Variants in CSMD3 observed in about 807,000 individuals in gnomAD.
CSMD3 encodes CUB and sushi domain-containing protein 3.
Under a neutral mutation model 435.2 loss-of-function variants are expected in CSMD3, and 177 were observed. The ratio of observed to expected loss-of-function variants is 0.41; its 90% confidence interval spans 0.36 to 0.46. The LOEUF is 0.46. Ranked by LOEUF, CSMD3 falls within the 20% of genes least tolerant of loss-of-function variation. The pLI, the probability that CSMD3 is intolerant of heterozygous loss-of-function variation, is 0.34. For missense variants in CSMD3, 4,265 were observed against 4,504.6 expected (o/e 0.95, Z 1.52); for synonymous variants, 1,656 against 1,520.5 (o/e 1.09, Z -2.07).
At chr8:112,500,533 T>C (rs1393095023) in intron 30 of CSMD3, among the ~76,000 whole-genome samples, 1 of 152,084 alleles carries the variant, frequency 6.6e-6, no homozygotes, top group African/African-American at 2.4e-5. Context: ...AATCTTGATA[T>C]CAAAACCAGA....
At chr8:113,410,902 A>AAAGG (rs986221902) in intron 1 of CSMD3, among the ~76,000 whole-genome samples, 2 of 56,312 alleles carry the variant, frequency 3.6e-5, no homozygotes, top group African/African-American at 1.0e-4. Flanking sequence ...AAACCCTGTG[A>AAAGG]AAGAAAGAAA....
intron 32 of CSMD3, among the ~76,000 whole-genome samples, chr8:112,424,111 G>A (rs1416133992): frequency 6.6e-6 from 1 of 152,050 alleles, no homozygotes; most frequent in Non-Finnish European, 1.5e-5. Context: ...GAAAATTAAT[G>A]ATTTTGTATC....
At chr8:112,590,566 A>G (rs1200487194) in intron 22 of CSMD3, among the ~76,000 whole-genome samples, 1 of 152,116 alleles carries the variant, frequency 6.6e-6, no homozygotes, top group Non-Finnish European at 1.5e-5. Context: ...CTGGTGTGAT[A>G]GCAGAAGAAA....
Position 113,363,288 on chromosome 8 carries a change from G to A in CSMD3, c.179-48495C>T, listed in dbSNP as rs190239441. Among the ~76,000 whole-genome samples the A allele has an allele frequency of 8.2e-3, 1,096 of 133,778 alleles. 7 individuals are homozygous for A. The highest frequency in any genetic ancestry group is 0.014 in the Non-Finnish European group (862 of 60,528). The allele number at this position is 133,778 out of a possible 152,430, so 87.8% of individuals were successfully genotyped here. ...TATTTATAGTTAATTGCTTACACGC[G>A]TGTTTGTATATTTCAAAGTCCTTTA... On this transcript the variant is annotated intron_variant, in intron 1 of 70. Coordinates refer to ENST00000297405, the MANE Select transcript of CSMD3 (RefSeq NM_198123.2).
At chr8:113,124,119 T>C (rs1190693471) in intron 4 of CSMD3, among the ~76,000 whole-genome samples, 1 of 151,960 alleles carries the variant, frequency 6.6e-6, no homozygotes, top group Non-Finnish European at 1.5e-5. Flanking sequence ...CCCATTCATA[T>C]AGTAGCTAGT....
In CSMD3 at chr8:112,310,985, G is replaced by A. The variant is rs2130812474; in HGVS notation, c.7878C>T (p.Ala2626=). 1 of 1,613,164 alleles carries A rather than the reference G, an allele frequency of 6.2e-7. No individual in the cohort carries two copies. The highest frequency in any genetic ancestry group is 8.5e-7 in the Non-Finnish European group (1 of 1,179,274). The part of the protein sequence containing the change: ...GYHAWDAPVP[A]CQAISCGIPK... ...TGGCATAATATACTTCACCTTGACA[G>A]GCAGGGACTGGCGCATCCCATGCAT... Residue 2626 remains alanine (A), a synonymous_variant, in exon 50 of 71, where the codon GCC becomes GCT. Coordinates refer to ENST00000297405, the MANE Select transcript of CSMD3 (RefSeq NM_198123.2).
chr8:113,323,278 A>T (rs2132718125), intron 1 of CSMD3, among the ~76,000 whole-genome samples: 1 of 152,326 alleles, frequency 6.6e-6, no homozygotes, highest in African/African-American at 2.4e-5. Flanking sequence ...TTCACTGTAG[A>T]CATTGAACAC....
chr8:113,243,126 C>A (rs1458672067), intron 3 of CSMD3, among the ~76,000 whole-genome samples: 1 of 151,612 alleles, frequency 6.6e-6, no homozygotes, highest in Non-Finnish European at 1.5e-5. Flanking sequence ...TCTATTAATA[C>A]AAGAAATAAT....
chr8:112,630,509 G>A (rs530863737), intron 22 of CSMD3, among the ~76,000 whole-genome samples: 1 of 152,016 alleles, frequency 6.6e-6, no homozygotes, highest in Non-Finnish European at 1.5e-5. Context: ...ATTTACACAG[G>A]GTTCAACACA....
intron 30 of CSMD3, among the ~76,000 whole-genome samples, chr8:112,503,556 T>C (rs1360841387): frequency 2.6e-5 from 4 of 152,206 alleles, no homozygotes; most frequent in African/African-American, 7.2e-5. Flanking sequence ...ATACTAATTG[T>C]TAATTTGTTT....
intron 32 of CSMD3, among the ~76,000 whole-genome samples, chr8:112,428,020 C>G (rs567369802): frequency 6.6e-6 from 1 of 152,248 alleles, no homozygotes; most frequent in African/African-American, 2.4e-5. Context: ...TGGGCTGCAT[C>G]AATAGTTTGA....
At chr8:113,221,830 T>C (rs1245679113) in intron 3 of CSMD3, among the ~76,000 whole-genome samples, 2 of 151,338 alleles carry the variant, frequency 1.3e-5, no homozygotes, top group African/African-American at 4.8e-5. Flanking sequence ...ACTGATTTAT[T>C]TTCCTCAAAG....
At chr8:112,954,542 A>C (rs2130831643) in intron 8 of CSMD3, 142 bp downstream of exon 8, 1 of 615,308 alleles carries the variant, frequency 1.6e-6, no homozygotes, top group East Asian at 2.8e-5. Context: ...AATATTGAAT[A>C]ATCATCATGC....
chr8:113,029,334 A>G lies in CSMD3; in HGVS notation c.918-10155T>C, dbSNP rs531957228. On this transcript the variant is annotated intron_variant, in intron 5 of 70. Transcript: ENST00000297405. ...AAGGGCATAACCAAAAAAGAAAACT[A>G]CAGACTGATATCCTTGATGAATATA... Among the ~76,000 whole-genome samples the G allele has an allele frequency of 2.7e-4, 41 of 151,622 alleles. 1 individual carries two copies. In the South Asian group the frequency reaches 6.7e-3, roughly 25 times the overall value.
At chr8:112,812,336 G>A (rs2079249943) in intron 12 of CSMD3, among the ~76,000 whole-genome samples, 1 of 152,096 alleles carries the variant, frequency 6.6e-6, no homozygotes, top group Non-Finnish European at 1.5e-5. Flanking sequence ...AAACACACTG[G>A]GCATGTGGCC....
chr8:112,308,088 G>C (rs559425177), intron 50 of CSMD3, among the ~76,000 whole-genome samples: 1 of 152,236 alleles, frequency 6.6e-6, no homozygotes, highest in East Asian at 1.9e-4. Context: ...GAACAGAAAA[G>C]CTGTAACACT....
chr8:112,480,328 A>T (rs1338917124), intron 31 of CSMD3, among the ~76,000 whole-genome samples: 1 of 152,074 alleles, frequency 6.6e-6, no homozygotes, highest in African/African-American at 2.4e-5. Context: ...GGAACTTATG[A>T]CTTTGGATTT....
At chr8:112,305,864 A>T in intron 51 of CSMD3, 143 bp downstream of exon 51, 1 of 743,500 alleles carries the variant, frequency 1.3e-6, no homozygotes, top group Non-Finnish European at 2.4e-6. Context: ...ATTGTACAAG[A>T]TAGCTTACTT....
At chr8:112,510,881 C>A (rs1823051218) in intron 28 of CSMD3, among the ~76,000 whole-genome samples, 1 of 152,036 alleles carries the variant, frequency 6.6e-6, no homozygotes, top group Admixed American at 6.6e-5. Context: ...GCTAGTGGTT[C>A]TTTATATTTG....
Sources: allele counts gnomAD v4.1 joint callset (sites outside exome capture counted in the v4.1 genomes callset), GRCh38; gene constraint gnomAD v4.1.1; transcripts MANE v1.5; gene names NCBI Gene and HGNC (gene_info 2026-07-23, HGNC 2026-07-21).